The following FBLN1 variants were observed in gnomAD, a reference collection of about 807,000 sequenced individuals.
FBLN1 encodes fibulin 1.
A neutral mutation model predicts 89.7 loss-of-function variants in FBLN1; 34 were observed. That is an observed-to-expected ratio of 0.38 (90% CI 0.29 to 0.50). FBLN1 has a LOEUF of 0.50. Among genes scored for constraint, FBLN1 ranks in the 20% least tolerant of loss-of-function variants. The probability of loss-of-function intolerance (pLI) is 0.92; values close to 1 mark genes in which losing one functional copy is unlikely to be tolerated. For synonymous variants in FBLN1, 393 were observed against 391.3 expected (o/e 1.00, Z -0.05); for missense variants, 777 against 988.1 (o/e 0.79, Z 2.86).
intron 1 of FBLN1, among the ~76,000 whole-genome samples, chr22:45,515,340 G>A (rs776310050): frequency 3.5e-4 from 54 of 152,232 alleles, no homozygotes; most frequent in Middle Eastern, 3.4e-3. Flanking sequence ...AGCTCCCCTC[G>A]GGCACAGCCC....
At chr22:45,526,505 G>C (rs552050865) in intron 3 of FBLN1, among the ~76,000 whole-genome samples, 1 of 152,310 alleles carries the variant, frequency 6.6e-6, no homozygotes, top group Admixed American at 6.5e-5. Flanking sequence ...GGCTTCTGTT[G>C]GAGGTGCCAG....
At chr22:45,527,727 G>A (rs1340529621) in intron 3 of FBLN1, 120 bp from the exon 4 acceptor site, 1 of 1,006,628 alleles carries the variant, frequency 9.9e-7, no homozygotes, top group Non-Finnish European at 1.5e-6. Context: ...CCAGACTTGA[G>A]TCATCACTCT....
intron 7 of FBLN1, 55 bp downstream of exon 7, chr22:45,533,953 C>T (rs762033819): frequency 1.1e-4 from 171 of 1,608,790 alleles, no homozygotes; most frequent in East Asian, 1.3e-4. Context: ...AGATACGGCG[C>T]GGTGGGAAGG....
At chr22:45,565,707 T>A (rs1320927842) in intron 14 of FBLN1, 2 of 155,704 alleles carry the variant, frequency 1.3e-5, no homozygotes, top group African/African-American at 5.7e-5. Flanking sequence ...GATGGATGGA[T>A]GGACAGACCA....
rs1206335328 is a variant in FBLN1 at position 45,574,001 on chromosome 22, G to T, written c.1698-510G>T. Reference sequence around the variant, plus strand: ...GCCTCTTCTGCCTCCCCGTCACCTGGTGATGTGGAATTGACTGCCCTGTGC... The same window carrying T: ...GCCTCTTCTGCCTCCCCGTCACCTGTTGATGTGGAATTGACTGCCCTGTGC... On this transcript the variant is annotated intron_variant, in intron 14 of 16. Transcript: ENST00000327858. The surrounding 1 kb of genome is among the most constrained non-coding windows in gnomAD (Gnocchi z 4.1). Among the ~76,000 whole-genome samples, 1 of 151,988 alleles carries T rather than the reference G, an allele frequency of 6.6e-6. No homozygotes were observed. Among genetic ancestry groups the T allele is most frequent in the African/African-American group, 2.4e-5 (1 of 41,360 alleles).
At chr22:45,523,334 G>C in intron 2 of FBLN1, 1 of 535,348 alleles carries the variant, frequency 1.9e-6, no homozygotes, top group Non-Finnish European at 3.4e-6. Flanking sequence ...GGTGTTGGGG[G>C]TGAGCCTGAG....
intron 8 of FBLN1, 76 bp downstream of exon 8, chr22:45,535,413 A>G: frequency 6.4e-7 from 1 of 1,574,160 alleles, no homozygotes; most frequent in Non-Finnish European, 8.7e-7. Context: ...AGGCCTCTAG[A>G]ATCTGCGGGG....
intron 2 of FBLN1, chr22:45,522,944 T>C: frequency 2.0e-6 from 1 of 491,674 alleles, no homozygotes; most frequent in Non-Finnish European, 3.8e-6. Context: ...GCAAGTCCCC[T>C]GGCCTCGTGG....
At position 45,588,072 on chromosome 22, in the gene FBLN1, C is replaced by T. The variant is rs550281222; in HGVS notation, c.1972+10964C>T. Reference sequence around the variant, plus strand: ...TTTTATCCCAGAGGGTAGGAGTACACGAGAAACAAGCATAATATATACACG... The same window carrying T: ...TTTTATCCCAGAGGGTAGGAGTACATGAGAAACAAGCATAATATATACACG... On this transcript the variant is annotated intron_variant, in intron 16 of 16. Coordinates refer to ENST00000327858, the MANE Select transcript of FBLN1 (RefSeq NM_006486.3). This position sits in a 1 kb window ranked among gnomAD's most constrained non-coding sequence, Gnocchi z 5.1. Among the ~76,000 whole-genome samples, 76 of 152,248 alleles carry T rather than the reference C, an allele frequency of 5.0e-4. No homozygotes were observed. The highest frequency in any genetic ancestry group is 1.8e-3 in the African/African-American group (74 of 41,542).
At chr22:45,543,360 T>C in intron 10 of FBLN1, 41 bp from the exon 11 acceptor site, 1 of 1,607,510 alleles carries the variant, frequency 6.2e-7, no homozygotes, top group Non-Finnish European at 8.5e-7. Context: ...GGTGCCACTG[T>C]GTTGGACATT....
intron 9 of FBLN1, among the ~76,000 whole-genome samples, 167 bp downstream of exon 9, chr22:45,541,539 C>T (rs369606153): frequency 2.3e-4 from 35 of 152,342 alleles, no homozygotes; most frequent in African/African-American, 8.4e-4. Flanking sequence ...CTTGCCTGGA[C>T]TGGTGCACCA....
rs1376136770 is a variant in FBLN1 at position 45,543,404 on chromosome 22, TCAA to T, written c.1201_1203del (p.Asn401del). The T allele has an allele frequency of 6.2e-7, 1 of 1,612,478 alleles. No homozygotes were observed. Among genetic ancestry groups the T allele is most frequent in the East Asian group, 2.2e-5 (1 of 44,878 alleles). On this transcript the variant is annotated inframe_deletion, in exon 11 of 17. Coordinates refer to ENST00000327858, the MANE Select transcript of FBLN1 (RefSeq NM_006486.3). Reference sequence around the variant, plus strand: ...TCAGCCCACCCCTCACTTTCAGATGTCAACGAGTGCCAGCGCTACCCCGGGCGC... The same window carrying T: ...TCAGCCCACCCCTCACTTTCAGATGTCGAGTGCCAGCGCTACCCCGGGCGC...
chr22:45,531,793 A>G lies in FBLN1; in HGVS notation c.544+469A>G, dbSNP rs2088412079. Reference sequence around the variant, plus strand: ...CTGCTGGGGAGGGTGGCCCAGGCCCAGGGCCAGAGCTGGTGTGGAAAGCCT... The same window carrying G: ...CTGCTGGGGAGGGTGGCCCAGGCCCGGGGCCAGAGCTGGTGTGGAAAGCCT... On this transcript the variant is annotated intron_variant, in intron 5 of 16. Coordinates refer to ENST00000327858, the MANE Select transcript of FBLN1 (RefSeq NM_006486.3). The surrounding 1 kb of genome is among the most constrained non-coding windows in gnomAD (Gnocchi z 4.9). Among the ~76,000 whole-genome samples, 1 of 152,170 alleles carries G rather than the reference A, an allele frequency of 6.6e-6. No individual in the cohort carries two copies. The highest frequency in any genetic ancestry group is 1.5e-5 in the Non-Finnish European group (1 of 68,032).
chr22:45,574,005 T>G lies in FBLN1; in HGVS notation c.1698-506T>G, dbSNP rs2088972891. Among the ~76,000 whole-genome samples, 1 of 152,158 alleles carries G rather than the reference T, an allele frequency of 6.6e-6. No homozygotes were observed. Among genetic ancestry groups the G allele is most frequent in the South Asian group, 2.1e-4 (1 of 4,826 alleles). On this transcript the variant is annotated intron_variant, in intron 14 of 16. Transcript: ENST00000327858. The surrounding 1 kb of genome is among the most constrained non-coding windows in gnomAD (Gnocchi z 4.1). ...CTTCTGCCTCCCCGTCACCTGGTGA[T>G]GTGGAATTGACTGCCCTGTGCTGGG...
intron 14 of FBLN1, among the ~76,000 whole-genome samples, chr22:45,569,009 A>G (rs1410099429): frequency 6.6e-6 from 1 of 152,182 alleles, no homozygotes; most frequent in African/African-American, 2.4e-5. Context: ...TCTTATAAGG[A>G]TAACGGTCAT....
intron 14 of FBLN1, among the ~76,000 whole-genome samples, chr22:45,555,986 T>C (rs2147002875): frequency 6.6e-6 from 1 of 152,284 alleles, no homozygotes; most frequent in South Asian, 2.1e-4. Flanking sequence ...ACAAACATTT[T>C]TGATTGTTTT....
rs2088784378 is a variant in FBLN1 at position 45,556,058 on chromosome 22, T to C, written c.1697+5443T>C. 6.6e-6 allele frequency among the ~76,000 whole-genome samples: 1 copy of C among 152,200 alleles called. No homozygotes were observed. The highest frequency in any genetic ancestry group is 6.5e-5 in the Admixed American group (1 of 15,278). ...TTGCCGAGGCTGAAGTGTGGTGGTG[T>C]GATTTTGTCTCACCGCAACCTCCAC... On this transcript the variant is annotated intron_variant, in intron 14 of 16. Coordinates refer to ENST00000327858, the MANE Select transcript of FBLN1 (RefSeq NM_006486.3). This position sits in a 1 kb window ranked among gnomAD's most constrained non-coding sequence, Gnocchi z 4.6.
chr22:45,576,856 G>A lies in FBLN1; in HGVS notation c.1841-121G>A. On this transcript the variant is annotated intron_variant, in intron 15 of 16. Transcript: ENST00000327858. The surrounding 1 kb of genome is among the most constrained non-coding windows in gnomAD (Gnocchi z 5.2). ...GGGGATCTCTGGCTTCATTGATGTT[G>A]TCTCATGAAAGGGCCCTGGGTTAGG... 4.2e-6 allele frequency: 5 copies of A among 1,192,262 alleles called. No individual in the cohort carries two copies. Among genetic ancestry groups the A allele is most frequent in the South Asian group, 1.3e-5 (1 of 78,534 alleles). 73.9% of individuals were successfully genotyped at this position (1,192,262 alleles called of 1,614,324 possible).
chr22:45,548,610 C>T lies in FBLN1; in HGVS notation c.1442-3C>T, dbSNP rs753800282. On this transcript the variant is annotated splice_polypyrimidine_tract_variant and splice_region_variant and intron_variant, in intron 12 of 16. Coordinates refer to ENST00000327858, the MANE Select transcript of FBLN1 (RefSeq NM_006486.3). ...GAGGCTGAGGTGGGCTTTGCCGTTG[C>T]AGACATCGACGAGTGCGCCCTGCCC... The T allele has an allele frequency of 1.2e-6, 2 of 1,613,442 alleles. No homozygotes were observed. Among genetic ancestry groups the T allele is most frequent in the African/African-American group, 2.7e-5 (2 of 74,938 alleles).
Sources: allele counts gnomAD v4.1 joint callset (sites outside exome capture counted in the v4.1 genomes callset), GRCh38; gene constraint gnomAD v4.1.1; non-coding constraint Gnocchi (gnomAD v3.1); transcripts MANE v1.5; gene names NCBI Gene and HGNC (gene_info 2026-07-23, HGNC 2026-07-21).